PALLD: variants seen among roughly 807,000 people sequenced by gnomAD.
PALLD encodes the protein palladin.
A neutral mutation model predicts 123.5 loss-of-function variants in PALLD; 61 were observed. That is an observed-to-expected ratio of 0.49 (90% CI 0.40 to 0.61). The LOEUF (loss-of-function observed/expected upper bound fraction) is 0.61. Ranked by LOEUF, PALLD falls within the 20% of genes least tolerant of loss-of-function variation. PALLD has a pLI of 0.00. For missense variants in PALLD, 1,273 were observed against 1,377.0 expected, an observed-to-expected ratio of 0.92 and a Z score of 1.20; for synonymous variants, 465 against 496.4, an observed-to-expected ratio of 0.94 and a Z score of 0.84.
At chr4:168,920,168 G>A (rs768483529) in intron 17 of PALLD, among the ~76,000 whole-genome samples, 1 of 152,182 alleles carries the variant, frequency 6.6e-6, no homozygotes, top group Non-Finnish European at 1.5e-5. Flanking sequence ...CTCCAAACAG[G>A]TCAGGCAGTG....
At chr4:168,586,560 G>C (rs958520218) in intron 2 of PALLD, among the ~76,000 whole-genome samples, 1 of 152,128 alleles carries the variant, frequency 6.6e-6, no homozygotes, top group Non-Finnish European at 1.5e-5. Flanking sequence ...GAGATTTCTA[G>C]AACTGCCAAG....
intron 8 of PALLD, among the ~76,000 whole-genome samples, chr4:168,704,631 C>T (rs1417725692): frequency 3.4e-5 from 5 of 147,432 alleles, no homozygotes; most frequent in African/African-American, 1.0e-4. Context: ...GCCACTGCAC[C>T]TCCAGCCTGG....
intron 10 of PALLD, among the ~76,000 whole-genome samples, chr4:168,882,028 T>A (rs1752680239): frequency 6.6e-6 from 1 of 152,238 alleles, no homozygotes; most frequent in Non-Finnish European, 1.5e-5. Flanking sequence ...GAGTGCCACA[T>A]AGCCACAGTG....
At position 168,690,639 on chromosome 4, in the gene PALLD, G is replaced by A. The variant is rs147463221; in HGVS notation, c.1372G>A (p.Val458Met). 64 of 1,614,206 alleles carry A rather than the reference G, an allele frequency of 4.0e-5. No homozygotes were observed. In the African/African-American group the frequency reaches 6.9e-4, roughly 17 times the overall value. ...QNTAVAEGQV[V>M]VLECRVRGAP... The stretch of plus-strand genomic sequence containing the variant: ...CACAGCCGTGGCGGAAGGCCAGGTG[G>A]TGGTTCTGGAGTGCCGGGTCCGTGG... The change falls in exon 7 of 22, where the codon GTG becomes ATG. Residue 458 changes from valine (V) to methionine (M), a missense_variant. By Grantham distance (21) the Val-to-Met change is conservative. Around this residue, in one of 2 missense-constraint regions of PALLD, gnomAD observed 944 missense variants for 954.5 expected, o/e 0.99. Transcript: ENST00000505667.
At chr4:168,629,508 C>G (rs1775612752) in intron 2 of PALLD, among the ~76,000 whole-genome samples, 1 of 152,144 alleles carries the variant, frequency 6.6e-6, no homozygotes, top group Non-Finnish European at 1.5e-5. Context: ...AAATGTATTA[C>G]TTATTCAAAA....
intron 10 of PALLD, among the ~76,000 whole-genome samples, chr4:168,791,229 T>G (rs1037560926): frequency 8.5e-5 from 13 of 152,162 alleles, no homozygotes; most frequent in African/African-American, 3.1e-4. Flanking sequence ...TAATCACATG[T>G]CCCTCTGCAG....
At chr4:168,738,873 T>C (rs1561466628) in intron 10 of PALLD, among the ~76,000 whole-genome samples, 1 of 152,014 alleles carries the variant, frequency 6.6e-6, no homozygotes, top group African/African-American at 2.4e-5. Flanking sequence ...CTGTATAATA[T>C]TTCTTGAAAA....
chr4:168,816,389 G>GTGTATATATATA (rs759861616), intron 10 of PALLD, among the ~76,000 whole-genome samples: 3 of 139,026 alleles, frequency 2.2e-5, no homozygotes, highest in African/African-American at 7.8e-5. Context: ...GTGTATGTGT[G>GTGTATATATATA]TATATATATA....
intron 2 of PALLD, among the ~76,000 whole-genome samples, chr4:168,631,436 CA>C (rs1422035617): frequency 6.6e-6 from 1 of 152,234 alleles, no homozygotes. Flanking sequence ...TACCTTCTTA[CA>C]ATTCCCCCCG....
chr4:168,738,709 G>A (rs1788018908), intron 10 of PALLD, among the ~76,000 whole-genome samples: 1 of 150,504 alleles, frequency 6.6e-6, no homozygotes, highest in African/African-American at 2.5e-5. Context: ...GGGGTTACAG[G>A]CGTGAGCCAC....
chr4:168,915,422 C>A (rs1017873529), intron 16 of PALLD, among the ~76,000 whole-genome samples: 5 of 152,054 alleles, frequency 3.3e-5, no homozygotes, highest in African/African-American at 1.2e-4. Context: ...CAAAAGAAAA[C>A]TTGCCTAAAA....
intron 17 of PALLD, among the ~76,000 whole-genome samples, chr4:168,919,610 G>A (rs913358502): frequency 4.0e-4 from 60 of 151,882 alleles, no homozygotes; most frequent in Admixed American, 7.9e-4. Flanking sequence ...TTTGAAAGGG[G>A]AAAAAATCCT....
At chr4:168,761,937 G>A (rs7680643) in intron 10 of PALLD, among the ~76,000 whole-genome samples, 57,484 of 151,614 alleles carry the variant, frequency 0.38, 11,107 homozygotes, top group Non-Finnish European at 0.42. Flanking sequence ...ACTTTGTAAT[G>A]CTCTCTTATT....
intron 5 of PALLD, among the ~76,000 whole-genome samples, chr4:168,684,119 C>T (rs1036004533): frequency 5.3e-5 from 8 of 151,952 alleles, no homozygotes; most frequent in African/African-American, 9.7e-5. Context: ...GTGCTTAGTA[C>T]GGTGCTAGGC....
chr4:168,620,456 A>G (rs147279973), intron 2 of PALLD, among the ~76,000 whole-genome samples: 2 of 152,358 alleles, frequency 1.3e-5, no homozygotes, highest in East Asian at 3.9e-4. Flanking sequence ...TGCTGTCTAA[A>G]AAAACAAAAA....
Position 168,711,793 on chromosome 4 carries a change from G to T in PALLD, c.1834G>T (p.Gly612Ter). 1 of 1,614,126 alleles carries T rather than the reference G, an allele frequency of 6.2e-7. No individual in the cohort carries two copies. Among genetic ancestry groups the T allele is most frequent in the Non-Finnish European group, 8.5e-7 (1 of 1,179,996 alleles). The change falls in exon 10 of 22, where the codon GGA (glycine) becomes TGA (stop). Residue 612 changes from glycine to a stop codon, truncating the protein, a stop_gained. Transcript: ENST00000505667. LOFTEE classifies it high-confidence loss of function. ...QFNAAERETN[G>*]VHPSRGVNGL... ...CAATGCTGCTGAGAGGGAAACGAAC[G>T]GAGTCCATCCCAGCCGTGGAGTAAA...
intron 10 of PALLD, among the ~76,000 whole-genome samples, chr4:168,764,699 C>T (rs1442736441): frequency 6.6e-6 from 1 of 152,124 alleles, no homozygotes; most frequent in Non-Finnish European, 1.5e-5. Flanking sequence ...TCAGATTCTT[C>T]TCAGATTCAA....
intron 4 of PALLD, among the ~76,000 whole-genome samples, chr4:168,682,496 C>T (rs1781641065): frequency 6.6e-6 from 1 of 152,038 alleles, no homozygotes; most frequent in South Asian, 2.1e-4. Flanking sequence ...CTTATATGCA[C>T]TAAGAAAACA....
At chr4:168,543,856 A>T (rs1460718709) in intron 2 of PALLD, among the ~76,000 whole-genome samples, 1 of 152,226 alleles carries the variant, frequency 6.6e-6, no homozygotes, top group East Asian at 1.9e-4. Flanking sequence ...TGGGGAAAAA[A>T]AACCCAAAGG....
Sources: allele counts gnomAD v4.1 joint callset (sites outside exome capture counted in the v4.1 genomes callset), GRCh38; gene constraint gnomAD v4.1.1; regional missense constraint gnomAD v4.1.1; transcripts MANE v1.5; gene names NCBI Gene and HGNC (gene_info 2026-07-23, HGNC 2026-07-21).